The following GUCY1A1 variants were observed in gnomAD, a reference collection of about 807,000 sequenced individuals.
GUCY1A1 encodes guanylate cyclase 1 soluble subunit alpha 1.
GUCY1A1 carries 48 observed loss-of-function variants against 64.5 expected under a neutral mutation model. That is an observed-to-expected ratio of 0.74 (90% CI 0.59 to 0.95). The LOEUF (loss-of-function observed/expected upper bound fraction) is 0.95. Ranked by LOEUF, GUCY1A1 falls within the 40% of genes least tolerant of loss-of-function variation. GUCY1A1 has a pLI of 0.00. For missense variants in GUCY1A1, 804 were observed against 825.3 expected, an observed-to-expected ratio of 0.97 and a Z score of 0.32; for synonymous variants, 308 against 303.4, an observed-to-expected ratio of 1.02 and a Z score of -0.16.
At chr4:155,682,079 T>A (rs1400049835) in intron 2 of GUCY1A1, among the ~76,000 whole-genome samples, 2 of 152,160 alleles carry the variant, frequency 1.3e-5, no homozygotes, top group African/African-American at 4.8e-5. Flanking sequence ...CCAACTTTAA[T>A]TTTATAATAT....
intron 4 of GUCY1A1, among the ~76,000 whole-genome samples, chr4:155,707,029 A>C (rs1010998871): frequency 6.6e-6 from 1 of 152,266 alleles, no homozygotes; most frequent in African/African-American, 2.4e-5. Flanking sequence ...TCAAGGATTA[A>C]AGTTTAATAT....
At chr4:155,705,872 C>T (rs965449580) in intron 4 of GUCY1A1, among the ~76,000 whole-genome samples, 5 of 151,874 alleles carry the variant, frequency 3.3e-5, no homozygotes, top group African/African-American at 1.2e-4. Flanking sequence ...CTGACAGAAG[C>T]TTTGTTTACA....
intron 4 of GUCY1A1, among the ~76,000 whole-genome samples, chr4:155,706,692 ATG>A (rs1232293344): frequency 1.3e-5 from 2 of 152,068 alleles, no homozygotes; most frequent in Non-Finnish European, 2.9e-5. Flanking sequence ...TAAGGCACAC[ATG>A]TGTTGGCTGG....
rs1168227037 is a variant in GUCY1A1, at chr4:155,735,946, G to GC, written c.*5717dup. The stretch of plus-strand genomic sequence containing the variant: ...AGACACTGCTTAATCACAGTGAGCT[G>GC]CCGTCTTCCCTGAATAAGTTGTATC... On this transcript the variant is annotated 3_prime_UTR_variant, in exon 10 of 10. Transcript: ENST00000506455. 2 of 151,912 alleles carry GC rather than the reference G, an allele frequency of 1.3e-5. No individual in the cohort carries two copies. The highest frequency in any genetic ancestry group is 4.8e-5 in the African/African-American group (2 of 41,394). The allele number at this position is 151,912 out of a possible 1,614,324, so 9.4% of individuals were successfully genotyped here.
At chr4:155,671,381 G>A (rs1431786526) in intron 2 of GUCY1A1, among the ~76,000 whole-genome samples, 1 of 152,218 alleles carries the variant, frequency 6.6e-6, no homozygotes, top group Admixed American at 6.5e-5. Flanking sequence ...GATTTAGCTG[G>A]ACAAAGAGAG....
At chr4:155,725,226 G>A (rs536571670) in intron 9 of GUCY1A1, among the ~76,000 whole-genome samples, 10 of 151,966 alleles carry the variant, frequency 6.6e-5, no homozygotes, top group African/African-American at 2.4e-4. Context: ...CTAGATCAGC[G>A]CGTGAAACAC....
chr4:155,706,641 A>G (rs1004436651), intron 4 of GUCY1A1, among the ~76,000 whole-genome samples: 1 of 151,730 alleles, frequency 6.6e-6, no homozygotes, highest in East Asian at 1.9e-4. Context: ...CATTATATGT[A>G]TGAACTCATG....
chr4:155,707,108 A>G (rs1731882055), intron 4 of GUCY1A1, among the ~76,000 whole-genome samples: 1 of 152,220 alleles, frequency 6.6e-6, no homozygotes, highest in South Asian at 2.1e-4. Context: ...TGCTTTAGGA[A>G]AATATATAAT....
intron 9 of GUCY1A1, among the ~76,000 whole-genome samples, chr4:155,722,767 C>T (rs1734137822): frequency 6.6e-6 from 1 of 152,132 alleles, no homozygotes; most frequent in Non-Finnish European, 1.5e-5. Context: ...GGATACAAAT[C>T]AGAACCAACC....
intron 2 of GUCY1A1, 86 bp from the exon 3 acceptor site, chr4:155,696,670 T>C (rs142876318): frequency 2.0e-6 from 1 of 494,286 alleles, no homozygotes; most frequent in Non-Finnish European, 3.6e-6. Context: ...ATGACATGAC[T>C]ATTGCTTTTG....
intron 2 of GUCY1A1, among the ~76,000 whole-genome samples, chr4:155,683,755 G>T (rs1349411475): frequency 6.6e-6 from 1 of 152,174 alleles, no homozygotes; most frequent in Non-Finnish European, 1.5e-5. Flanking sequence ...TAGACGAAAG[G>T]TAATCTTCTG....
intron 3 of GUCY1A1, among the ~76,000 whole-genome samples, 185 bp from the exon 4 acceptor site, chr4:155,703,746 GT>G (rs1231938493): frequency 1.3e-5 from 2 of 152,116 alleles, no homozygotes; most frequent in Non-Finnish European, 2.9e-5. Context: ...TTCCTCTCCA[GT>G]TTGAAAAACA....
At chr4:155,686,623 G>A (rs914015747) in intron 2 of GUCY1A1, among the ~76,000 whole-genome samples, 6 of 152,152 alleles carry the variant, frequency 3.9e-5, no homozygotes, top group Non-Finnish European at 7.4e-5. Context: ...GATACCACAG[G>A]ATTTCTATTT....
chr4:155,715,846 G>A (rs924374299), intron 7 of GUCY1A1, among the ~76,000 whole-genome samples: 2 of 152,040 alleles, frequency 1.3e-5, no homozygotes, highest in Non-Finnish European at 2.9e-5. Flanking sequence ...GGGAAACAAA[G>A]ACAATAAACA....
chr4:155,687,681 G>A (rs1437465871), intron 2 of GUCY1A1, among the ~76,000 whole-genome samples: 1 of 152,088 alleles, frequency 6.6e-6, no homozygotes, highest in African/African-American at 2.4e-5. Context: ...TTTTCAGATG[G>A]AGAAAATTGA....
chr4:155,732,606 C>G lies in GUCY1A1; in HGVS notation c.*2375C>G, dbSNP rs957975557. Among the ~76,000 whole-genome samples, 5 of 151,896 alleles carry G rather than the reference C, an allele frequency of 3.3e-5. No homozygotes were observed. The highest frequency in any genetic ancestry group is 1.2e-4 in the African/African-American group (5 of 41,480). On this transcript the variant is annotated 3_prime_UTR_variant, in exon 10 of 10. Coordinates refer to ENST00000506455, the MANE Select transcript of GUCY1A1 (RefSeq NM_001130682.3). ...CACTGATGGTAGCCAGAGTAGAGAC[C>G]CTGGAGCATAGATTCTTAAAATAAA...
chr4:155,667,000 T>C (rs1215441530), intron 1 of GUCY1A1, 35 bp downstream of exon 1: 2 of 152,446 alleles, frequency 1.3e-5, no homozygotes, highest in Admixed American at 6.6e-5. Context: ...TTTCAGTCTT[T>C]CGGTGCGGAG....
At chr4:155,717,104 G>A in intron 7 of GUCY1A1, 55 bp from the exon 8 acceptor site, 2 of 1,215,942 alleles carry the variant, frequency 1.6e-6, no homozygotes, top group South Asian at 4.3e-5. Context: ...ATCCGATGTA[G>A]GCTGTGATTC....
At position 155,713,499 on chromosome 4, in the gene GUCY1A1, G is replaced by T. The variant is rs566048196; in HGVS notation, c.1488G>T (p.Gln496His). 6.2e-7 allele frequency: 1 copy of T among 1,614,162 alleles called. No homozygotes were observed. The highest frequency in any genetic ancestry group is 8.5e-7 in the Non-Finnish European group (1 of 1,180,012). ...DIVGFTAICS[Q>H]CSPLQVITML... ...TTGGGTTCACTGCCATCTGCTCCCA[G>T]TGCTCACCGCTGCAGGTCATCACCA... The change falls in exon 7 of 10, where the codon CAG (glutamine) becomes CAT (histidine). Residue 496 changes from glutamine to histidine, a missense_variant. Physicochemically the swap from Gln to His is conservative, Grantham distance 24. Transcript: ENST00000506455.
Sources: allele counts gnomAD v4.1 joint callset (sites outside exome capture counted in the v4.1 genomes callset), GRCh38; gene constraint gnomAD v4.1.1; transcripts MANE v1.5; gene names NCBI Gene and HGNC (gene_info 2026-07-23, HGNC 2026-07-21).